Variants in ITPR2 observed in about 807,000 individuals in gnomAD.
ITPR2 encodes inositol 1,4,5-trisphosphate-gated calcium channel ITPR2.
In ITPR2, 207 loss-of-function variants were observed where a neutral mutation model predicts 317.1. The ratio of observed to expected loss-of-function variants is 0.65; its 90% CI spans 0.58 to 0.73. The LOEUF (loss-of-function observed/expected upper bound fraction) is 0.73, where lower values mean the gene tolerates loss of function less well. Among genes scored for constraint, ITPR2 ranks in the 30% least tolerant of loss-of-function variants. The pLI, the probability that ITPR2 is intolerant of heterozygous loss-of-function variation, is 0.00. For missense variants in ITPR2, 2,613 were observed against 3,284.0 expected, an observed-to-expected ratio of 0.80 and a Z score of 4.99; for synonymous variants, 1,156 against 1,149.1, an observed-to-expected ratio of 1.01 and a Z score of -0.12.
At chr12:26,754,014 T>C (rs1949478733) in intron 2 of ITPR2, among the ~76,000 whole-genome samples, 1 of 152,156 alleles carries the variant, frequency 6.6e-6, no homozygotes, top group Admixed American at 6.5e-5. Context: ...TTTATATGTA[T>C]TGTGTGTGTG....
At chr12:26,375,535 T>C (rs1366690102) in intron 55 of ITPR2, among the ~76,000 whole-genome samples, 2 of 151,990 alleles carry the variant, frequency 1.3e-5, no homozygotes, top group African/African-American at 4.8e-5. Context: ...ATGAAAACTG[T>C]TTTTCTCCTG....
intron 49 of ITPR2, among the ~76,000 whole-genome samples, chr12:26,423,531 T>C (rs1940957229): frequency 1.3e-5 from 2 of 152,180 alleles, no homozygotes; most frequent in Admixed American, 1.3e-4. Flanking sequence ...AAGATCTTTT[T>C]GTAATATTTT....
At chr12:26,443,891 A>G (rs1941547594) in intron 45 of ITPR2, among the ~76,000 whole-genome samples, 1 of 152,208 alleles carries the variant, frequency 6.6e-6, no homozygotes, top group South Asian at 2.1e-4. Context: ...TGTACCAGGA[A>G]GAAGAAATGT....
At position 26,599,361 on chromosome 12, in the gene ITPR2, C is replaced by T; in HGVS notation, c.3802-16G>A. 1 of 1,610,900 alleles carries T rather than the reference C, an allele frequency of 6.2e-7. No homozygotes were observed. Among genetic ancestry groups the T allele is most frequent in the Non-Finnish European group, 8.5e-7 (1 of 1,177,076 alleles). The stretch of plus-strand genomic sequence containing the variant: ...CTTCAAGGAGCTAAACACAGAGGAA[C>T]ATGCCCTTGTAATTCTGACAAGATC... On this transcript the variant is annotated splice_polypyrimidine_tract_variant and intron_variant, in intron 29 of 56. Coordinates refer to ENST00000381340, the MANE Select transcript of ITPR2 (RefSeq NM_002223.4).
At chr12:26,402,114 G>A (rs1591992474) in intron 52 of ITPR2, among the ~76,000 whole-genome samples, 1 of 152,300 alleles carries the variant, frequency 6.6e-6, no homozygotes, top group East Asian at 1.9e-4. Flanking sequence ...GACCAAGGGT[G>A]GGGGAAGCTC....
At chr12:26,811,767 T>C (rs995872909) in intron 1 of ITPR2, among the ~76,000 whole-genome samples, 16 of 133,042 alleles carry the variant, frequency 1.2e-4, no homozygotes, top group African/African-American at 4.7e-4. Context: ...GGCAGGAGAA[T>C]GGCGCGAACC....
intron 16 of ITPR2, 145 bp from the exon 17 acceptor site, chr12:26,658,275 T>C: frequency 2.2e-6 from 1 of 448,874 alleles, no homozygotes; most frequent in Non-Finnish European, 3.7e-6. Context: ...TAATGTGTTG[T>C]TTATCTACTG....
intron 22 of ITPR2, chr12:26,630,821 A>G (rs1946734340): frequency 6.6e-6 from 1 of 152,080 alleles, no homozygotes; most frequent in African/African-American, 2.4e-5. Flanking sequence ...AGGTGATGGT[A>G]AGCTGGGGAT....
At chr12:26,693,682 T>C (rs931124970) in intron 10 of ITPR2, among the ~76,000 whole-genome samples, 3 of 152,206 alleles carry the variant, frequency 2.0e-5, no homozygotes, top group Non-Finnish European at 4.4e-5. Context: ...AATACACAGA[T>C]GCAAAACCAC....
intron 41 of ITPR2, among the ~76,000 whole-genome samples, chr12:26,484,912 T>C (rs1195751992): frequency 6.6e-6 from 1 of 152,170 alleles, no homozygotes; most frequent in Non-Finnish European, 1.5e-5. Flanking sequence ...AGACGGGGTT[T>C]CACTGGGTTG....
intron 13 of ITPR2, among the ~76,000 whole-genome samples, chr12:26,673,354 G>C (rs1195116303): frequency 1.3e-5 from 2 of 152,200 alleles, no homozygotes; most frequent in Non-Finnish European, 2.9e-5. Context: ...CCATGATTAA[G>C]TGGGCTTCAT....
intron 26 of ITPR2, among the ~76,000 whole-genome samples, chr12:26,612,152 T>C (rs1226972728): frequency 6.6e-6 from 1 of 152,210 alleles, no homozygotes; most frequent in African/African-American, 2.4e-5. Context: ...AGACAGACCA[T>C]CAATTCACAT....
chr12:26,738,963 T>C (rs897381664), intron 2 of ITPR2, among the ~76,000 whole-genome samples: 17 of 152,172 alleles, frequency 1.1e-4, no homozygotes, highest in African/African-American at 4.1e-4. Flanking sequence ...ATACAGAAAG[T>C]GCTTTTACAA....
Position 26,487,176 on chromosome 12 carries a change from C to A in ITPR2, c.5446G>T (p.Ala1816Ser), listed in dbSNP as rs776417053. The A allele has an allele frequency of 8.1e-6, 13 of 1,613,136 alleles. No individual in the cohort carries two copies. The highest frequency in any genetic ancestry group is 1.1e-5 in the Non-Finnish European group (13 of 1,179,520). ...FFKVLYDRMK[A>S]AQKEIRSTVT... is the part of the protein sequence containing the mutation. ...GTTGATCTTATTTCTTTCTGAGCAG[C>A]CTTCATTCGATCATAGAGAACTTTA... is the stretch of plus-strand genomic sequence containing the variant. The change falls in exon 40 of 57, where the codon GCT (alanine) becomes TCT (serine). Residue 1816 changes from alanine to serine, a missense_variant. Physicochemically the swap from Ala to Ser is moderately conservative, Grantham distance 99. Transcript: ENST00000381340.
At chr12:26,490,945 T>C (rs1942786753) in intron 39 of ITPR2, among the ~76,000 whole-genome samples, 3 of 152,066 alleles carry the variant, frequency 2.0e-5, no homozygotes, top group Admixed American at 1.3e-4. Context: ...CTAGGAGAAA[T>C]GTATTGAGTT....
At chr12:26,446,028 C>T (rs978992852) in intron 45 of ITPR2, among the ~76,000 whole-genome samples, 1 of 152,006 alleles carries the variant, frequency 6.6e-6, no homozygotes, top group Non-Finnish European at 1.5e-5. Context: ...AATATGGGCA[C>T]AGATTCAGGA....
At chr12:26,366,502 A>G (rs1939015485) in intron 55 of ITPR2, among the ~76,000 whole-genome samples, 1 of 152,172 alleles carries the variant, frequency 6.6e-6, no homozygotes, top group Non-Finnish European at 1.5e-5. Flanking sequence ...TTTTTGTTGA[A>G]ATAACTCAAA....
At chr12:26,588,766 T>G (rs769737138) in intron 32 of ITPR2, among the ~76,000 whole-genome samples, 10 of 152,312 alleles carry the variant, frequency 6.6e-5, no homozygotes, top group Admixed American at 1.3e-4. Flanking sequence ...ATACACAAGT[T>G]TGTCTTGTTA....
intron 47 of ITPR2, among the ~76,000 whole-genome samples, chr12:26,438,509 A>G (rs1362001307): frequency 6.6e-6 from 1 of 152,220 alleles, no homozygotes; most frequent in Non-Finnish European, 1.5e-5. Context: ...TTATTTAAAA[A>G]TTCTAAAATT....
Sources: gnomAD v4.1 joint callset for allele counts (sites outside exome capture counted in the v4.1 genomes callset) on GRCh38, gnomAD v4.1.1 for gene constraint, MANE v1.5 for transcripts, NCBI Gene and HGNC (gene_info 2026-07-23, HGNC 2026-07-21) for gene names.